GNPTAB: variants seen among roughly 807,000 people sequenced by gnomAD.
GNPTAB encodes N-acetylglucosamine-1-phosphate transferase subunits alpha and beta, also known as N-acetylglucosamine-1-phosphotransferase subunits alpha/beta.
In GNPTAB, 92 loss-of-function variants were observed where a neutral mutation model predicts 136.6. The observed-to-expected ratio is 0.67, with a 90% CI of 0.57 to 0.80. The LOEUF is 0.80. Ranked by LOEUF, GNPTAB falls within the 30% of genes least tolerant of loss-of-function variation. The pLI is 0.00. For synonymous variants in GNPTAB, 512 were observed against 535.1 expected (o/e 0.96, Z 0.60); for missense variants, 1,343 against 1,501.8 (o/e 0.89, Z 1.75).
intron 2 of GNPTAB, among the ~76,000 whole-genome samples, chr12:101,792,724 T>C (rs1350097352): frequency 6.6e-6 from 1 of 152,214 alleles, no homozygotes; most frequent in Non-Finnish European, 1.5e-5. Flanking sequence ...ATCCTGATTG[T>C]ACTGTGCTGT....
At chr12:101,790,319 A>C (rs918715404) in intron 2 of GNPTAB, among the ~76,000 whole-genome samples, 1 of 152,234 alleles carries the variant, frequency 6.6e-6, no homozygotes, top group African/African-American at 2.4e-5. Context: ...CTCTGTAAGA[A>C]GGCTAATATT....
chr12:101,796,492 T>G (rs891456487), intron 2 of GNPTAB, 185 bp downstream of exon 2: 4 of 615,092 alleles, frequency 6.5e-6, no homozygotes, highest in African/African-American at 1.9e-5. Context: ...ATCGTTCCAG[T>G]TTTTTTTTCC....
At chr12:101,779,302 T>G (rs1230635737) in intron 7 of GNPTAB, 1 of 152,212 alleles carries the variant, frequency 6.6e-6, no homozygotes, top group Non-Finnish European at 1.5e-5. Context: ...ACAAGGACTT[T>G]ATGCTCTCTA....
intron 1 of GNPTAB, among the ~76,000 whole-genome samples, chr12:101,814,969 G>T (rs1044528409): frequency 6.6e-6 from 1 of 152,188 alleles, no homozygotes; most frequent in African/African-American, 2.4e-5. Context: ...ATATTATTAC[G>T]AAACTAGGTT....
At chr12:101,824,369 T>C (rs1182532086) in intron 1 of GNPTAB, among the ~76,000 whole-genome samples, 6 of 137,766 alleles carry the variant, frequency 4.4e-5, no homozygotes, top group Non-Finnish European at 9.1e-5. Context: ...ATGACATCAT[T>C]TGAGCACCTC....
In GNPTAB at chr12:101,766,303, C is replaced by T. The variant is rs764761611; in HGVS notation, c.1409-9G>A. ...ACTCCCTCCACTGTTTCCTGTAGAT[C>T]GGAGGAAGAAGAGGGATTCTTGCTG... is the stretch of plus-strand genomic sequence containing the variant. On this transcript the variant is annotated splice_polypyrimidine_tract_variant and intron_variant, in intron 11 of 20. Coordinates refer to ENST00000299314, the MANE Select transcript of GNPTAB (RefSeq NM_024312.5). 8 of 1,610,148 alleles carry T rather than the reference C, an allele frequency of 5.0e-6. No homozygotes were observed. The highest frequency in any genetic ancestry group is 4.5e-5 in the East Asian group (2 of 44,866).
rs751298669 is a variant in GNPTAB at position 101,764,453 on chromosome 12, T to C, written c.2464A>G (p.Thr822Ala). The part of the protein sequence containing the change: ...TTARFRVETH[T>A]QKTIGGNVTK... ...ACATTTCCGCCTATGGTTTTTTGGG[T>C]GTGAGTTTCCACTCTAAATCTTGCT... The change falls in exon 13 of 21, where the codon ACC becomes GCC. Residue 822 changes from threonine (T) to alanine (A), a missense_variant. Thr to Ala is a moderately conservative substitution (Grantham distance 58). Coordinates refer to ENST00000299314, the MANE Select transcript of GNPTAB (RefSeq NM_024312.5). 6.2e-7 allele frequency: 1 copy of C among 1,613,702 alleles called. No individual in the cohort carries two copies. The highest frequency in any genetic ancestry group is 2.2e-5 in the East Asian group (1 of 44,888).
At chr12:101,808,777 T>C (rs868679459) in intron 1 of GNPTAB, among the ~76,000 whole-genome samples, 2 of 152,006 alleles carry the variant, frequency 1.3e-5, no homozygotes, top group African/African-American at 2.4e-5. Context: ...AGAAACCCCA[T>C]CTTTCTACTA....
chr12:101,796,865 G>T, intron 1 of GNPTAB, 103 bp from the exon 2 acceptor site: 1 of 806,552 alleles, frequency 1.2e-6, no homozygotes, highest in East Asian at 2.5e-5. Context: ...AATGGGTAAA[G>T]AAATCAAAAT....
At chr12:101,768,421 T>C (rs1475440732) in intron 10 of GNPTAB, among the ~76,000 whole-genome samples, 3 of 152,222 alleles carry the variant, frequency 2.0e-5, no homozygotes, top group Admixed American at 2.0e-4. Flanking sequence ...ATTCAACTCA[T>C]GGATTAGTCT....
intron 1 of GNPTAB, among the ~76,000 whole-genome samples, chr12:101,815,028 A>G (rs1394298482): frequency 1.3e-5 from 2 of 152,200 alleles, no homozygotes; most frequent in South Asian, 2.1e-4. Flanking sequence ...GGAGTCCCCA[A>G]ACTATACTTT....
intron 7 of GNPTAB, among the ~76,000 whole-genome samples, chr12:101,775,870 G>A (rs967270060): frequency 6.6e-6 from 1 of 152,184 alleles, no homozygotes; most frequent in Non-Finnish European, 1.5e-5. Context: ...CTTAGGCCCT[G>A]ACCAGAGCTT....
intron 1 of GNPTAB, among the ~76,000 whole-genome samples, chr12:101,800,971 C>T (rs1312669140): frequency 1.3e-5 from 2 of 151,788 alleles, no homozygotes; most frequent in Admixed American, 1.3e-4. Context: ...AGGTGGCTGA[C>T]GCCTGTAAAG....
At chr12:101,797,817 C>A (rs954736904) in intron 1 of GNPTAB, among the ~76,000 whole-genome samples, 3 of 152,180 alleles carry the variant, frequency 2.0e-5, no homozygotes, top group Admixed American at 2.0e-4. Context: ...TTTTCTTTTT[C>A]ATTCCTCTTA....
At chr12:101,770,886 A>G in intron 8 of GNPTAB, 110 bp downstream of exon 8, 1 of 1,130,594 alleles carries the variant, frequency 8.8e-7, no homozygotes. Context: ...AAAAATTCCA[A>G]TCAACTCACC....
At chr12:101,797,234 T>G (rs958955057) in intron 1 of GNPTAB, among the ~76,000 whole-genome samples, 1 of 152,154 alleles carries the variant, frequency 6.6e-6, no homozygotes, top group African/African-American at 2.4e-5. Flanking sequence ...ACGTGCCTTC[T>G]GTGCCTTGGA....
chr12:101,791,841 A>G (rs1251760272), intron 2 of GNPTAB, among the ~76,000 whole-genome samples: 1 of 152,222 alleles, frequency 6.6e-6, no homozygotes, highest in African/African-American at 2.4e-5. Flanking sequence ...TACAAGAAGT[A>G]GGGGAGATAA....
At chr12:101,751,207 C>T (rs1394206505) in intron 19 of GNPTAB, among the ~76,000 whole-genome samples, 2 of 152,218 alleles carry the variant, frequency 1.3e-5, no homozygotes, top group Non-Finnish European at 2.9e-5. Flanking sequence ...TTGCACATGC[C>T]ATTTCTTCTA....
intron 7 of GNPTAB, chr12:101,773,129 AG>A (rs1953206272): frequency 8.2e-6 from 2 of 244,920 alleles, no homozygotes; most frequent in Middle Eastern, 1.4e-3. Context: ...CCATTTCTTG[AG>A]GGGAATCAGT....
Sources: gnomAD v4.1 joint callset for allele counts (sites outside exome capture counted in the v4.1 genomes callset) on GRCh38, gnomAD v4.1.1 for gene constraint, MANE v1.5 for transcripts, NCBI Gene and HGNC (gene_info 2026-07-23, HGNC 2026-07-21) for gene names.